GXYLT1: variants seen among roughly 807,000 people sequenced by gnomAD.
GXYLT1 encodes the protein glucoside xylosyltransferase 1, also known as glycosyltransferase 8 domain containing 3.
A neutral mutation model predicts 54.0 loss-of-function variants in GXYLT1; 29 were observed. That is an observed-to-expected ratio of 0.54 (90% CI 0.40 to 0.73). GXYLT1 has a LOEUF of 0.73. Ranked by LOEUF, GXYLT1 falls within the 30% of genes least tolerant of loss-of-function variation. The probability of loss-of-function intolerance (pLI) is 0.00; values close to 1 mark genes in which losing one functional copy is unlikely to be tolerated. For synonymous variants in GXYLT1, 176 were observed against 204.1 expected, an observed-to-expected ratio of 0.86 and a Z score of 1.17; for missense variants, 490 against 553.4, an observed-to-expected ratio of 0.89 and a Z score of 1.15.
chr12:42,126,743 CGCAGTG>C (rs915558128), intron 2 of GXYLT1, among the ~76,000 whole-genome samples: 1 of 151,926 alleles, frequency 6.6e-6, no homozygotes, highest in Non-Finnish European at 1.5e-5. Flanking sequence ...AACAGCTGGG[CGCAGTG>C]GCAGATGCCT....
intron 3 of GXYLT1, among the ~76,000 whole-genome samples, chr12:42,110,085 C>T (rs1236551561): frequency 6.6e-6 from 1 of 152,156 alleles, no homozygotes; most frequent in African/African-American, 2.4e-5. Flanking sequence ...ATGAAAGATG[C>T]TTACATTCAA....
intron 3 of GXYLT1, among the ~76,000 whole-genome samples, chr12:42,115,261 G>C (rs2065486582): frequency 1.3e-5 from 2 of 152,138 alleles, no homozygotes; most frequent in Admixed American, 6.5e-5. Context: ...ATTCAACATA[G>C]TGTTGGAAGT....
chr12:42,141,226 T>C (rs1009155014), intron 1 of GXYLT1, among the ~76,000 whole-genome samples: 1 of 152,214 alleles, frequency 6.6e-6, no homozygotes, highest in Non-Finnish European at 1.5e-5. Context: ...TAGGATTTTG[T>C]ATTTGAGATT....
chr12:42,093,356 C>T (rs1399338380), intron 7 of GXYLT1, among the ~76,000 whole-genome samples: 3 of 152,142 alleles, frequency 2.0e-5, no homozygotes, highest in African/African-American at 7.2e-5. Context: ...CCGCCTCAGC[C>T]TCCCAAAGTG....
chr12:42,108,725 T>C (rs1448678294), intron 4 of GXYLT1, among the ~76,000 whole-genome samples: 1 of 152,162 alleles, frequency 6.6e-6, no homozygotes, highest in Admixed American at 6.5e-5. Flanking sequence ...CTGGATTCAA[T>C]AAACCATATT....
chr12:42,092,297 G>T (rs544167318), intron 7 of GXYLT1, among the ~76,000 whole-genome samples: 1 of 152,128 alleles, frequency 6.6e-6, no homozygotes, highest in Non-Finnish European at 1.5e-5. Flanking sequence ...TTCCACCCAC[G>T]TAAGATTAAA....
At chr12:42,092,643 CA>C (rs896903632) in intron 7 of GXYLT1, among the ~76,000 whole-genome samples, 15 of 152,032 alleles carry the variant, frequency 9.9e-5, no homozygotes, top group Admixed American at 9.8e-4. Flanking sequence ...AATTTTTTTC[CA>C]AACTCATTAT....
chr12:42,095,759 A>C (rs1475120794), intron 7 of GXYLT1, among the ~76,000 whole-genome samples: 1 of 152,216 alleles, frequency 6.6e-6, no homozygotes, highest in Non-Finnish European at 1.5e-5. Flanking sequence ...TAGTGGAAAA[A>C]AGCTAAAACT....
At chr12:42,136,789 A>ACATACATACATACAT (rs869154887) in intron 1 of GXYLT1, among the ~76,000 whole-genome samples, 303 of 23,210 alleles carry the variant, frequency 0.013, 3 homozygotes, top group African/African-American at 0.028. Context: ...CATACATACA[A>ACATACATACATACAT]ACAAACACAC....
At position 42,087,676 on chromosome 12, in the gene GXYLT1, T is replaced by C. The variant is rs1221617564; in HGVS notation, c.*110A>G. The C allele has an allele frequency of 2.7e-6, 2 of 749,252 alleles. No homozygotes were observed. Among genetic ancestry groups the C allele is most frequent in the African/African-American group, 1.9e-5 (1 of 53,396 alleles). The allele number at this position is 749,252 out of a possible 1,614,324, so 46.4% of individuals were successfully genotyped here. On this transcript the variant is annotated 3_prime_UTR_variant, in exon 8 of 8. Coordinates refer to ENST00000398675, the MANE Select transcript of GXYLT1 (RefSeq NM_173601.2). Reference sequence around the variant, plus strand: ...CTTAACTTCTTTAGGAAAAAAAAAATTATTCTGGAGATGAGTAATTCCTTC... The same window carrying C: ...CTTAACTTCTTTAGGAAAAAAAAAACTATTCTGGAGATGAGTAATTCCTTC...
intron 7 of GXYLT1, among the ~76,000 whole-genome samples, chr12:42,092,741 C>A (rs1400471389): frequency 6.6e-6 from 1 of 151,928 alleles, no homozygotes; most frequent in Non-Finnish European, 1.5e-5. Context: ...TATTCAAAAC[C>A]TGTAGCAAAA....
rs765498975 is a variant in GXYLT1, at chr12:42,129,872, TAA to T, written c.222-23_222-22del. Reference sequence around the variant, plus strand: ...TACACCTAACAGAGTAAGACAGAAATAAGAGTCCTGTGTGAGTATTTTGGTTT... The same window carrying T: ...TACACCTAACAGAGTAAGACAGAAATGAGTCCTGTGTGAGTATTTTGGTTT... On this transcript the variant is annotated intron_variant, in intron 1 of 7. Coordinates refer to ENST00000398675, the MANE Select transcript of GXYLT1 (RefSeq NM_173601.2). 10 of 1,502,594 alleles carry T rather than the reference TAA, an allele frequency of 6.7e-6. 1 individual carries two copies. In the African/African-American group the frequency reaches 8.3e-5, roughly 12 times the overall value. The allele number at this position is 1,502,594 out of a possible 1,614,324, so 93.1% of individuals were successfully genotyped here.
chr12:42,126,743 C>T (rs1199839400), intron 2 of GXYLT1, among the ~76,000 whole-genome samples: 5 of 151,928 alleles, frequency 3.3e-5, no homozygotes, highest in East Asian at 1.9e-4. Flanking sequence ...AACAGCTGGG[C>T]GCAGTGGCAG....
At chr12:42,091,459 T>C (rs564802526) in intron 7 of GXYLT1, among the ~76,000 whole-genome samples, 1 of 152,288 alleles carries the variant, frequency 6.6e-6, no homozygotes, top group Admixed American at 6.5e-5. Context: ...CTCATTTTTA[T>C]AGGAATGCAT....
chr12:42,109,030 C>T (rs1012041501), intron 4 of GXYLT1, among the ~76,000 whole-genome samples: 1 of 152,080 alleles, frequency 6.6e-6, no homozygotes, highest in Non-Finnish European at 1.5e-5. Flanking sequence ...TATCATAGAA[C>T]ATTACCAAAG....
At chr12:42,096,306 G>C (rs549228659) in intron 7 of GXYLT1, among the ~76,000 whole-genome samples, 45 of 152,236 alleles carry the variant, frequency 3.0e-4, no homozygotes, top group African/African-American at 1.1e-3. Flanking sequence ...AATTTCAACA[G>C]TAGGGCAGGG....
intron 4 of GXYLT1, among the ~76,000 whole-genome samples, chr12:42,107,341 T>C (rs575143178): frequency 3.3e-5 from 5 of 152,240 alleles, no homozygotes; most frequent in Admixed American, 2.0e-4. Context: ...AAAAATCTGA[T>C]GGCTGACTGC....
At chr12:42,108,519 T>G (rs2136892467) in intron 4 of GXYLT1, among the ~76,000 whole-genome samples, 1 of 152,298 alleles carries the variant, frequency 6.6e-6, no homozygotes, top group Admixed American at 6.5e-5. Flanking sequence ...ATATAAAACT[T>G]ATTTCAAAAA....
At chr12:42,109,848 T>A (rs1423814550) in intron 3 of GXYLT1, among the ~76,000 whole-genome samples, 157 bp from the exon 4 acceptor site, 1 of 152,218 alleles carries the variant, frequency 6.6e-6, no homozygotes, top group African/African-American at 2.4e-5. Flanking sequence ...CACCACTGTA[T>A]TTGTTTTCAT....
Sources: allele counts gnomAD v4.1 joint callset (sites outside exome capture counted in the v4.1 genomes callset), GRCh38; gene constraint gnomAD v4.1.1; transcripts MANE v1.5; gene names NCBI Gene and HGNC (gene_info 2026-07-23, HGNC 2026-07-21).